Variants in GALNT18 observed in about 807,000 individuals in gnomAD.
The protein encoded by GALNT18 is polypeptide N-acetylgalactosaminyltransferase 18, also known as GalNAc-transferase 18.
A neutral mutation model predicts 69.5 loss-of-function variants in GALNT18; 44 were observed. The ratio of observed to expected loss-of-function variants is 0.63; its 90% CI spans 0.50 to 0.81. The LOEUF (loss-of-function observed/expected upper bound fraction) is 0.81. Among genes scored for constraint, GALNT18 ranks in the 40% least tolerant of loss-of-function variants. The probability of loss-of-function intolerance (pLI) is 0.00; values close to 1 mark genes in which losing one functional copy is unlikely to be tolerated. For missense variants in GALNT18, 715 were observed against 810.0 expected (o/e 0.88, Z 1.42); for synonymous variants, 364 against 318.2 (o/e 1.14, Z -1.53).
chr11:11,597,723 C>A (rs1012127905), intron 1 of GALNT18, among the ~76,000 whole-genome samples: 1 of 149,702 alleles, frequency 6.7e-6, no homozygotes, highest in Non-Finnish European at 1.5e-5. Flanking sequence ...TGCAGTGGAG[C>A]GATCTGGGCT....
intron 1 of GALNT18, among the ~76,000 whole-genome samples, chr11:11,594,312 A>T (rs1397047316): frequency 6.6e-6 from 1 of 152,196 alleles, no homozygotes; most frequent in Non-Finnish European, 1.5e-5. Context: ...AGCTTTATTG[A>T]TATACAACTT....
At chr11:11,344,287 C>T (rs1850262219) in intron 6 of GALNT18, among the ~76,000 whole-genome samples, 1 of 152,044 alleles carries the variant, frequency 6.6e-6, no homozygotes, top group African/African-American at 2.4e-5. Flanking sequence ...GACTTCTGCA[C>T]ATGCAATGAC....
rs1382376510 is a variant in GALNT18, at chr11:11,404,485, G to A, written c.596-25221C>T. On this transcript the variant is annotated intron_variant, in intron 3 of 10. Transcript: ENST00000227756. This position sits in a 1 kb window ranked among gnomAD's most constrained non-coding sequence, Gnocchi z 4.5. ...AAGCCCTGGCCCGGAAGGAGTTAAG[G>A]ATCAAACGGCGCCCAGGGAGTGAGC... Among the ~76,000 whole-genome samples the A allele has an allele frequency of 6.6e-6, 1 of 152,164 alleles. No individual in the cohort carries two copies. Among genetic ancestry groups the A allele is most frequent in the African/African-American group, 2.4e-5 (1 of 41,428 alleles).
Position 11,432,538 on chromosome 11 carries a change from A to G in GALNT18, c.595+83T>C. ...AGAGCAGCCACAGACAGCCTTGAGC[A>G]AATGTGAACCACGACGCTGAACCAT... is the stretch of plus-strand genomic sequence containing the variant. On this transcript the variant is annotated intron_variant, in intron 3 of 10. Coordinates refer to ENST00000227756, the MANE Select transcript of GALNT18 (RefSeq NM_198516.3). This position sits in a 1 kb window ranked among gnomAD's most constrained non-coding sequence, Gnocchi z 5.8. 7.2e-7 allele frequency: 1 copy of G among 1,395,212 alleles called. No homozygotes were observed. The highest frequency in any genetic ancestry group is 2.5e-5 in the East Asian group (1 of 39,716). 86.4% of individuals were successfully genotyped at this position (1,395,212 alleles called of 1,614,324 possible).
intron 1 of GALNT18, among the ~76,000 whole-genome samples, chr11:11,561,912 G>A (rs1858518901): frequency 6.6e-6 from 1 of 152,206 alleles, no homozygotes; most frequent in South Asian, 2.1e-4. Context: ...AGGAGAACAG[G>A]TATTATTACC....
chr11:11,325,416 C>T (rs527364762), intron 9 of GALNT18, among the ~76,000 whole-genome samples: 9 of 152,166 alleles, frequency 5.9e-5, no homozygotes, highest in African/African-American at 1.7e-4. Context: ...ACAGTGTACA[C>T]GGCTTGGGTG....
At chr11:11,594,700 C>A (rs1434033880) in intron 1 of GALNT18, among the ~76,000 whole-genome samples, 2 of 151,556 alleles carry the variant, frequency 1.3e-5, no homozygotes. Context: ...TTTGTTTATC[C>A]ATTCATCAGT....
chr11:11,568,278 A>C (rs1226779945), intron 1 of GALNT18, among the ~76,000 whole-genome samples: 1 of 152,078 alleles, frequency 6.6e-6, no homozygotes, highest in African/African-American at 2.4e-5. Flanking sequence ...ACTTCGCGAC[A>C]ACTGACTAAT....
In GALNT18 at chr11:11,591,572, C is replaced by T. The variant is rs1243821830; in HGVS notation, c.235+29787G>A. Among the ~76,000 whole-genome samples, 1 of 150,032 alleles carries T rather than the reference C, an allele frequency of 6.7e-6. No homozygotes were observed. The highest frequency in any genetic ancestry group is 1.5e-5 in the Non-Finnish European group (1 of 67,940). ...TCTTCCTACTTTACATCTCCAACTACAGTCATTCTGCCCACAAGGAAAGCA... is the reference window on the plus strand; with the variant it reads ...TCTTCCTACTTTACATCTCCAACTATAGTCATTCTGCCCACAAGGAAAGCA... On this transcript the variant is annotated intron_variant, in intron 1 of 10. Transcript: ENST00000227756. This position sits in a 1 kb window ranked among gnomAD's most constrained non-coding sequence, Gnocchi z 4.8.
At chr11:11,455,299 T>C (rs945931090) in intron 1 of GALNT18, among the ~76,000 whole-genome samples, 9 of 152,144 alleles carry the variant, frequency 5.9e-5, no homozygotes, top group Non-Finnish European at 1.2e-4. Flanking sequence ...AGCAAATATA[T>C]AGAGAATGTA....
rs1413110036 is a variant in GALNT18 at position 11,620,902 on chromosome 11, T to C, written c.235+457A>G. Among the ~76,000 whole-genome samples, 1 of 152,118 alleles carries C rather than the reference T, an allele frequency of 6.6e-6. No homozygotes were observed. Among genetic ancestry groups the C allele is most frequent in the Admixed American group, 6.5e-5 (1 of 15,284 alleles). ...GCAGCCTGCGGGTCTTAACTGCCAATAGTCAGGGCCGCCGCGCGGGCATCT... is the reference window on the plus strand; with the variant it reads ...GCAGCCTGCGGGTCTTAACTGCCAACAGTCAGGGCCGCCGCGCGGGCATCT... On this transcript the variant is annotated intron_variant, in intron 1 of 10. Transcript: ENST00000227756. This position sits in a 1 kb window ranked among gnomAD's most constrained non-coding sequence, Gnocchi z 6.9.
At position 11,415,112 on chromosome 11, in the gene GALNT18, G is replaced by A. The variant is rs1854824161; in HGVS notation, c.595+17509C>T. 6.6e-6 allele frequency among the ~76,000 whole-genome samples: 1 copy of A among 152,152 alleles called. No homozygotes were observed. The highest frequency in any genetic ancestry group is 1.5e-5 in the Non-Finnish European group (1 of 68,028). ...TGCCGCATGGACAGTTCACAGCATG[G>A]GTCTCTTCTCAGGCCACCAGAGTAC... On this transcript the variant is annotated intron_variant, in intron 3 of 10. Transcript: ENST00000227756. The surrounding 1 kb of genome is among the most constrained non-coding windows in gnomAD (Gnocchi z 4.1).
chr11:11,384,443 G>T (rs1273732386), intron 3 of GALNT18, among the ~76,000 whole-genome samples: 1 of 152,126 alleles, frequency 6.6e-6, no homozygotes, highest in Non-Finnish European at 1.5e-5. Flanking sequence ...GAAGGGCAAG[G>T]TAGCCTAAAG....
At chr11:11,297,081 T>C (rs900669034) in intron 9 of GALNT18, among the ~76,000 whole-genome samples, 2 of 152,134 alleles carry the variant, frequency 1.3e-5, no homozygotes, top group African/African-American at 2.4e-5. Flanking sequence ...CTATCTGGAA[T>C]GCCTGGAGAC....
chr11:11,419,538 A>G (rs1472339300), intron 3 of GALNT18, among the ~76,000 whole-genome samples: 1 of 140,740 alleles, frequency 7.1e-6, no homozygotes, highest in Non-Finnish European at 1.5e-5. Context: ...CAGAGGTTGC[A>G]GTGAGCTGAG....
At chr11:11,482,911 G>A (rs905079745) in intron 1 of GALNT18, among the ~76,000 whole-genome samples, 1 of 152,196 alleles carries the variant, frequency 6.6e-6, no homozygotes, top group South Asian at 2.1e-4. Context: ...GCATCGCTGA[G>A]GAGCATGTCA....
intron 3 of GALNT18, among the ~76,000 whole-genome samples, chr11:11,386,662 T>C (rs1178447299): frequency 6.6e-6 from 1 of 152,230 alleles, no homozygotes; most frequent in East Asian, 1.9e-4. Context: ...ATTCTAAGTA[T>C]TTGGTATATG....
At chr11:11,346,185 T>C (rs1336768579) in intron 6 of GALNT18, among the ~76,000 whole-genome samples, 1 of 152,248 alleles carries the variant, frequency 6.6e-6, no homozygotes, top group Admixed American at 6.5e-5. Context: ...TTTACTTCTG[T>C]ACTTATTCTT....
chr11:11,536,023 C>T (rs1401384008), intron 1 of GALNT18, among the ~76,000 whole-genome samples: 1 of 152,198 alleles, frequency 6.6e-6, no homozygotes, highest in Non-Finnish European at 1.5e-5. Context: ...CCCATCCAAA[C>T]ACGTACACAG....
Sources: gnomAD v4.1 joint callset for allele counts (sites outside exome capture counted in the v4.1 genomes callset) on GRCh38, gnomAD v4.1.1 for gene constraint, Gnocchi (gnomAD v3.1) non-coding constraint, MANE v1.5 for transcripts, NCBI Gene and HGNC (gene_info 2026-07-23, HGNC 2026-07-21) for gene names.